AOPEP: variants seen among roughly 807,000 people sequenced by gnomAD.
The protein encoded by AOPEP is aminopeptidase O.
In AOPEP, 77 loss-of-function variants were observed where a neutral mutation model predicts 98.1. The ratio of observed to expected loss-of-function variants is 0.78; its 90% confidence interval spans 0.65 to 0.95. The LOEUF (loss-of-function observed/expected upper bound fraction) is 0.95. Ranked by LOEUF, AOPEP falls within the 40% of genes least tolerant of loss-of-function variation. The pLI is 0.00. For synonymous variants in AOPEP, 346 were observed against 365.3 expected (o/e 0.95, Z 0.60); for missense variants, 1,024 against 1,024.7 (o/e 1.00, Z 0.01).
chr9:94,754,815 G>A (rs1282395708), intron 1 of AOPEP, among the ~76,000 whole-genome samples: 5 of 152,214 alleles, frequency 3.3e-5, no homozygotes, highest in Non-Finnish European at 5.9e-5. Context: ...TTGCTTTGTA[G>A]CTTGAAAGGA....
At chr9:94,775,423 G>A (rs1364682850) in intron 3 of AOPEP, among the ~76,000 whole-genome samples, 1 of 150,544 alleles carries the variant, frequency 6.6e-6, no homozygotes, top group African/African-American at 2.5e-5. Flanking sequence ...AGGCTGGAGT[G>A]CAATGGCGCG....
chr9:95,112,792 C>A, the AOPEP span, among the ~76,000 whole-genome samples: 1 of 152,220 alleles, frequency 6.6e-6, no homozygotes, highest in South Asian at 2.1e-4. Flanking sequence ...CATGTGGCCA[C>A]CTGAAAGGTA....
intron 11 of AOPEP, among the ~76,000 whole-genome samples, chr9:95,000,033 C>T (rs111997443): frequency 7.9e-5 from 12 of 152,118 alleles, no homozygotes; most frequent in African/African-American, 2.2e-4. Flanking sequence ...CAATCCACTA[C>T]GCCAAGCATG....
intron 5 of AOPEP, among the ~76,000 whole-genome samples, chr9:94,871,167 C>T (rs751537406): frequency 6.6e-5 from 10 of 152,224 alleles, no homozygotes; most frequent in East Asian, 1.9e-4. Flanking sequence ...AGCCTTTCTA[C>T]TCACTCTTAT....
At chr9:94,758,260 G>C (rs911722255) in intron 1 of AOPEP, among the ~76,000 whole-genome samples, 3 of 152,218 alleles carry the variant, frequency 2.0e-5, no homozygotes, top group African/African-American at 7.2e-5. Context: ...GTCCTCTTCA[G>C]GAAGCAGTGT....
the AOPEP span, chr9:95,111,357 G>T: frequency 6.3e-7 from 1 of 1,597,916 alleles, no homozygotes; most frequent in Non-Finnish European, 8.5e-7. Context: ...TGTGGGCAGA[G>T]CTCAGGTGTC....
At chr9:94,806,468 T>C (rs1849283943) in intron 5 of AOPEP, among the ~76,000 whole-genome samples, 1 of 152,240 alleles carries the variant, frequency 6.6e-6, no homozygotes, top group African/African-American at 2.4e-5. Flanking sequence ...CCTTGTTTAC[T>C]GGCAACCCTG....
chr9:95,040,788 C>T (rs1218067332), intron 13 of AOPEP, among the ~76,000 whole-genome samples: 2 of 152,310 alleles, frequency 1.3e-5, no homozygotes, highest in East Asian at 3.9e-4. Context: ...TTTGGGTTAT[C>T]CTGGCTCCTC....
At chr9:95,018,878 T>A (rs1411123333) in intron 13 of AOPEP, 1 of 152,210 alleles carries the variant, frequency 6.6e-6, no homozygotes, top group African/African-American at 2.4e-5. Flanking sequence ...AGGCAGCTAG[T>A]ACTCACTCAA....
chr9:95,097,899 C>T, the AOPEP span, among the ~76,000 whole-genome samples: 1 of 152,028 alleles, frequency 6.6e-6, no homozygotes, highest in Non-Finnish European at 1.5e-5. Context: ...AATGGCTTAG[C>T]GATGATTAAT....
intron 5 of AOPEP, among the ~76,000 whole-genome samples, chr9:94,891,872 T>G (rs1178724217): frequency 6.6e-6 from 1 of 152,224 alleles, no homozygotes; most frequent in African/African-American, 2.4e-5. Flanking sequence ...AAGAGCTTCC[T>G]TTAACTATTC....
chr9:94,942,948 G>T (rs555694846), intron 7 of AOPEP, among the ~76,000 whole-genome samples: 24 of 139,784 alleles, frequency 1.7e-4, no homozygotes, highest in African/African-American at 6.3e-4. Flanking sequence ...TAGCATCAAA[G>T]ATAATAAGGT....
chr9:94,761,132 G>A (rs143570729), intron 2 of AOPEP, among the ~76,000 whole-genome samples: 1 of 152,190 alleles, frequency 6.6e-6, no homozygotes, highest in Non-Finnish European at 1.5e-5. Flanking sequence ...GCATACAAAA[G>A]ACCTGTTTCT....
chr9:94,891,394 T>G (rs2048863133), intron 5 of AOPEP, among the ~76,000 whole-genome samples: 1 of 152,226 alleles, frequency 6.6e-6, no homozygotes, highest in South Asian at 2.1e-4. Flanking sequence ...TTTAGGCCAT[T>G]TATATTTAAT....
chr9:94,811,472 C>G (rs1035400526), intron 5 of AOPEP, among the ~76,000 whole-genome samples: 1 of 152,176 alleles, frequency 6.6e-6, no homozygotes, highest in African/African-American at 2.4e-5. Flanking sequence ...CTCCCTGCCC[C>G]CAGACCTCTT....
chr9:95,057,888 G>A (rs2066966377), intron 13 of AOPEP, among the ~76,000 whole-genome samples: 2 of 152,164 alleles, frequency 1.3e-5, no homozygotes, highest in African/African-American at 4.8e-5. Context: ...CACTGTGGTC[G>A]GGGGCCTTGT....
At chr9:94,970,909 G>A (rs1367233738) in intron 10 of AOPEP, among the ~76,000 whole-genome samples, 1 of 152,062 alleles carries the variant, frequency 6.6e-6, no homozygotes, top group African/African-American at 2.4e-5. Context: ...AATAGAAATG[G>A]TGTATTACTT....
chr9:94,850,876 G>T (rs2043467256), intron 5 of AOPEP, among the ~76,000 whole-genome samples: 1 of 152,184 alleles, frequency 6.6e-6, no homozygotes, highest in Non-Finnish European at 1.5e-5. Context: ...ACAAGATTCT[G>T]GCTGCGGGAA....
intron 5 of AOPEP, among the ~76,000 whole-genome samples, chr9:94,820,186 T>C (rs937488817): frequency 3.9e-5 from 6 of 152,156 alleles, no homozygotes; most frequent in African/African-American, 1.4e-4. Context: ...CCTCAGGTGA[T>C]CTGCCTGCCT....
Sources: gnomAD v4.1 joint callset for allele counts (sites outside exome capture counted in the v4.1 genomes callset) on GRCh38, gnomAD v4.1.1 for gene constraint, MANE v1.5 for transcripts, NCBI Gene and HGNC (gene_info 2026-07-23, HGNC 2026-07-21) for gene names.